RBCK1: variants seen among roughly 807,000 people sequenced by gnomAD.
The protein encoded by RBCK1 is RANBP2-type and C3HC4-type zinc finger containing 1.
RBCK1 carries 44 observed loss-of-function variants against 71.1 expected under a neutral mutation model. That is an observed-to-expected ratio of 0.62 (90% CI 0.49 to 0.80). The LOEUF is 0.80. RBCK1 is among the 30% of genes least tolerant of loss of function. RBCK1 has a pLI of 0.00. For missense variants in RBCK1, 569 were observed against 685.0 expected (o/e 0.83, Z 1.89); for synonymous variants, 306 against 279.7 (o/e 1.09, Z -0.94).
chr20:419,699 G>T lies in RBCK1; in HGVS notation c.724G>T (p.Gly242Cys). 6.4e-7 allele frequency: 1 copy of T among 1,572,030 alleles called. No homozygotes were observed. Reference protein sequence around the residue: ...PDEEERARLAGEEEALRQYQQ... With the variant: ...PDEEERARLACEEEALRQYQQ... ...CGAGGAGGAGCGAGCGCGCCTGGCG[G>T]GCGAGGAGGAGGCGCTGCGTCAGTA... The change falls in exon 6 of 12, where the codon GGC becomes TGC. Residue 242 changes from glycine to cysteine, a missense_variant. Coordinates refer to ENST00000356286, the MANE Select transcript of RBCK1 (RefSeq NM_031229.4).
At position 428,312 on chromosome 20, in the gene RBCK1, C is replaced by T. The variant is rs182279147; in HGVS notation, c.1210-179C>T. Among the ~76,000 whole-genome samples the T allele has an allele frequency of 2.0e-5, 3 of 152,292 alleles. No homozygotes were observed. In the East Asian group the frequency reaches 5.8e-4, roughly 29 times the overall value. Reference sequence around the variant, plus strand: ...GCATATGTGATGACCTTGACTTCACCTCCCTGGCGCCAATATCCTCTTCTG... The same window carrying T: ...GCATATGTGATGACCTTGACTTCACTTCCCTGGCGCCAATATCCTCTTCTG... On this transcript the variant is annotated intron_variant, in intron 9 of 11. Transcript: ENST00000356286. The surrounding 1 kb of genome is among the most constrained non-coding windows in gnomAD (Gnocchi z 5.7).
At position 417,953 on chromosome 20, in the gene RBCK1, G is replaced by A. The variant is rs763766234; in HGVS notation, c.460+23G>A. 17 of 1,591,796 alleles carry A rather than the reference G, an allele frequency of 1.1e-5. No homozygotes were observed. Among genetic ancestry groups the A allele is most frequent in the Middle Eastern group, 3.4e-4 (2 of 5,896 alleles). On this transcript the variant is annotated intron_variant, in intron 4 of 11. Coordinates refer to ENST00000356286, the MANE Select transcript of RBCK1 (RefSeq NM_031229.4). The surrounding 1 kb of genome is among the most constrained non-coding windows in gnomAD (Gnocchi z 4.7). The stretch of plus-strand genomic sequence containing the variant: ...AAGGTGAGGCTCTGCCCTGAGCACC[G>A]CCGGACCCAGCGGGGGCCCTGGACT...
intron 2 of RBCK1, among the ~76,000 whole-genome samples, chr20:411,619 T>G (rs974599923): frequency 2.6e-5 from 4 of 151,868 alleles, no homozygotes; most frequent in African/African-American, 7.3e-5. Context: ...CGCCCGCCTA[T>G]GCCTCCCAAT....
chr20:417,531 G>A lies in RBCK1; in HGVS notation c.173G>A (p.Trp58Ter). The change falls in exon 3 of 12, where the codon TGG (tryptophan) becomes TAG (stop). Residue 58 changes from tryptophan to a stop codon, truncating the protein, a stop_gained. Coordinates refer to ENST00000356286, the MANE Select transcript of RBCK1 (RefSeq NM_031229.4). LOFTEE classifies it high-confidence loss of function. The surrounding 1 kb of genome is among the most constrained non-coding windows in gnomAD (Gnocchi z 4.7). ...EVSPTQDIRL[W>*]VSVEDAQMHT... ...GCCCCTGCTGTTCTCTGCAGGCTGTGGGTGAGCGTGGAGGATGCTCAGATG... is the reference window on the plus strand; with the variant it reads ...GCCCCTGCTGTTCTCTGCAGGCTGTAGGTGAGCGTGGAGGATGCTCAGATG... 6.2e-7 allele frequency: 1 copy of A among 1,613,208 alleles called. No individual in the cohort carries two copies.
rs67470622 is a variant in RBCK1 at position 419,860 on chromosome 20, AGTGACCCTGCACCTGGCT to A, written c.756+154_756+171del. The A allele has an allele frequency of 0.49, 694,075 of 1,411,748 alleles. 172,835 individuals are homozygous for A. The highest frequency in any genetic ancestry group is 0.65 in the African/African-American group (42,884 of 66,042). 87.5% of individuals were successfully genotyped at this position (1,411,748 alleles called of 1,614,324 possible). On this transcript the variant is annotated intron_variant, in intron 6 of 11. Coordinates refer to ENST00000356286, the MANE Select transcript of RBCK1 (RefSeq NM_031229.4). ...TGCCCCTCCCAACCATGCTGCTGGC[AGTGACCCTGCACCTGGCT>A]GTGACCCTGCACCTGGCTGTGACCT...
rs2016244217 is a variant in RBCK1, at chr20:419,620, G to A, written c.645G>A (p.Met215Ile). 6 of 1,594,424 alleles carry A rather than the reference G, an allele frequency of 3.8e-6. No homozygotes were observed. The highest frequency in any genetic ancestry group is 4.3e-6 in the Non-Finnish European group (5 of 1,171,636). ...AGCCCACGCGGCCTGGCTGTGAGAT[G>A]TGCTGCCGGGCGCGCCCCGAGGCCT... is the stretch of plus-strand genomic sequence containing the variant. ...INKPTRPGCE[M>I]CCRARPEAYQ... The change falls in exon 6 of 12, where the codon ATG becomes ATA. Residue 215 changes from methionine to isoleucine, a missense_variant. By Grantham distance (10) the Met-to-Ile change is conservative. Around this residue, in one of 2 missense-constraint regions of RBCK1, gnomAD observed 358 missense variants for 375.6 expected, o/e 0.95. Coordinates refer to ENST00000356286, the MANE Select transcript of RBCK1 (RefSeq NM_031229.4).
intron 6 of RBCK1, 59 bp from the exon 7 acceptor site, chr20:420,812 G>A: frequency 4.1e-6 from 6 of 1,470,586 alleles, no homozygotes; most frequent in Non-Finnish European, 5.4e-6. Context: ...TTCCCCCTTC[G>A]GGGTCTGACC....
At chr20:411,777 C>T (rs1192706517) in intron 2 of RBCK1, among the ~76,000 whole-genome samples, 93 of 152,338 alleles carry the variant, frequency 6.1e-4, no homozygotes, top group African/African-American at 2.2e-3. Context: ...TCTCAAAGTG[C>T]TGGGATTACA....
In RBCK1 at chr20:418,647, C is replaced by T. The variant is rs150678322; in HGVS notation, c.461-700C>T. On this transcript the variant is annotated intron_variant, in intron 4 of 11. Transcript: ENST00000356286. ...CCTCCCAAAGTGCTGGGATTACAGG[C>T]GTGAGCCACCACGCCCAACCCACAT... Among the ~76,000 whole-genome samples, 437 of 152,316 alleles carry T rather than the reference C, an allele frequency of 2.9e-3. 2 individuals are homozygous for T. Among genetic ancestry groups the T allele is most frequent in the African/African-American group, 9.4e-3 (389 of 41,572 alleles).
chr20:410,624 C>T, intron 2 of RBCK1: 2 of 765,284 alleles, frequency 2.6e-6, no homozygotes, highest in South Asian at 1.4e-5. Context: ...AGCTAGAATT[C>T]AGGGGTTCGC....
At chr20:418,977 C>T (rs895813428) in intron 4 of RBCK1, among the ~76,000 whole-genome samples, 5 of 152,164 alleles carry the variant, frequency 3.3e-5, no homozygotes, top group Non-Finnish European at 4.4e-5. Context: ...GAGTCCAGGC[C>T]AGTTTCTTTT....
At position 417,185 on chromosome 20, in the gene RBCK1, C is replaced by T. The variant is rs1337319932; in HGVS notation, c.168-341C>T. ...TGAAGTGCATTAAATAGTCTTAGCA[C>T]GTAGTTAACAACAACTTCTGGTGGT... On this transcript the variant is annotated intron_variant, in intron 2 of 11. Transcript: ENST00000356286. This position sits in a 1 kb window ranked among gnomAD's most constrained non-coding sequence, Gnocchi z 4.7. 11 of 518,892 alleles carry T rather than the reference C, an allele frequency of 2.1e-5. No individual in the cohort carries two copies. The highest frequency in any genetic ancestry group is 5.5e-5 in the East Asian group (1 of 18,276). The allele number at this position is 518,892 out of a possible 1,614,324, so 32.1% of individuals were successfully genotyped here.
rs2017009542 is a variant in RBCK1, at chr20:431,379, A to G, written c.*949A>G. Among the ~76,000 whole-genome samples, 1 of 152,292 alleles carries G rather than the reference A, an allele frequency of 6.6e-6. No individual in the cohort carries two copies. Among genetic ancestry groups the G allele is most frequent in the East Asian group, 1.9e-4 (1 of 5,174 alleles). Reference sequence around the variant, plus strand: ...TCCATCCTATTTTCTCGTCTCAAGCAAGATGGCACAGTATCGATTCAGCAG... The same window carrying G: ...TCCATCCTATTTTCTCGTCTCAAGCGAGATGGCACAGTATCGATTCAGCAG... On this transcript the variant is annotated 3_prime_UTR_variant, in exon 12 of 12. Coordinates refer to ENST00000356286, the MANE Select transcript of RBCK1 (RefSeq NM_031229.4). The surrounding 1 kb of genome is among the most constrained non-coding windows in gnomAD (Gnocchi z 4.8).
chr20:410,290 A>G, intron 2 of RBCK1: 1 of 664,114 alleles, frequency 1.5e-6, no homozygotes, highest in African/African-American at 1.8e-5. Context: ...TATACAACAG[A>G]AGAAAACGGA....
intron 9 of RBCK1, 24 bp downstream of exon 9, chr20:427,516 C>T (rs185607868): frequency 4.3e-6 from 7 of 1,610,350 alleles, no homozygotes; most frequent in South Asian, 2.2e-5. Context: ...GGACTCCCCC[C>T]ACCTAGTCAC....
At position 416,412 on chromosome 20, in the gene RBCK1, G is replaced by A. The variant is rs192709314; in HGVS notation, c.168-1114G>A. On this transcript the variant is annotated intron_variant, in intron 2 of 11. Transcript: ENST00000356286. ...CCTGACCTCGTGATCCACCCACCTC[G>A]GCCTCCCAAAGTGCTGGGATTCAGC... is the stretch of plus-strand genomic sequence containing the variant. 3.6e-3 allele frequency among the ~76,000 whole-genome samples: 543 copies of A among 151,796 alleles called. 4 individuals carry two copies. Among genetic ancestry groups the A allele is most frequent in the African/African-American group, 0.013 (524 of 41,380 alleles).
chr20:413,530 C>G (rs2015820666), intron 2 of RBCK1, among the ~76,000 whole-genome samples: 1 of 152,180 alleles, frequency 6.6e-6, no homozygotes, highest in Admixed American at 6.5e-5. Flanking sequence ...TCATTGTGGA[C>G]ACTTTCCCAG....
chr20:419,430 G>T lies in RBCK1; in HGVS notation c.544G>T (p.Gly182Ter). The stretch of plus-strand genomic sequence containing the variant: ...AAAGCCCGGGGTCCCCCAGGAACCC[G>T]GACGGGGGCAGCCAGATGCAGTGCC... ...PPKPGVPQEP[G>*]RGQPDAVPEP... Residue 182 changes from glycine to a stop codon, truncating the protein, a stop_gained, in exon 5 of 12, where the codon GGA becomes TGA. Transcript: ENST00000356286. LOFTEE classifies it high-confidence loss of function. 2 of 1,608,458 alleles carry T rather than the reference G, an allele frequency of 1.2e-6. No homozygotes were observed. The highest frequency in any genetic ancestry group is 1.7e-6 in the Non-Finnish European group (2 of 1,177,842).
chr20:425,127 C>G (rs1277656437), intron 8 of RBCK1, among the ~76,000 whole-genome samples: 1 of 152,170 alleles, frequency 6.6e-6, no homozygotes, highest in African/African-American at 2.4e-5. Flanking sequence ...TCTCCTGCCT[C>G]AGCCTCCCAA....
Sources: gnomAD v4.1 joint callset for allele counts (sites outside exome capture counted in the v4.1 genomes callset) on GRCh38, gnomAD v4.1.1 for gene constraint, gnomAD v4.1.1 regional missense constraint, Gnocchi (gnomAD v3.1) non-coding constraint, MANE v1.5 for transcripts, NCBI Gene and HGNC (gene_info 2026-07-23, HGNC 2026-07-21) for gene names.